The following DAB1 variants were observed in gnomAD, a reference collection of about 807,000 sequenced individuals.
DAB1 encodes the protein disabled homolog 1.
In DAB1, 15 loss-of-function variants were observed where a neutral mutation model predicts 64.6. The ratio of observed to expected loss-of-function variants is 0.23; its 90% confidence interval spans 0.16 to 0.36. The LOEUF (loss-of-function observed/expected upper bound fraction) is 0.36. DAB1 is among the 10% of genes least tolerant of loss of function. The pLI is 1.00. For synonymous variants in DAB1, 235 were observed against 251.9 expected (o/e 0.93, Z 0.64); for missense variants, 596 against 706.7 (o/e 0.84, Z 1.78).
chr1:57,052,776 A>T (rs186333723), intron 9 of DAB1, among the ~76,000 whole-genome samples: 2 of 152,324 alleles, frequency 1.3e-5, no homozygotes, highest in East Asian at 3.9e-4. Flanking sequence ...TACCTTATAG[A>T]ACCATTGATC....
intron 7 of DAB1, among the ~76,000 whole-genome samples, chr1:57,586,683 C>A (rs999515230): frequency 2.0e-5 from 3 of 152,036 alleles, no homozygotes; most frequent in Non-Finnish European, 2.9e-5. Context: ...GAGTTTGAAA[C>A]TGAATCATTC....
intron 6 of DAB1, among the ~76,000 whole-genome samples, chr1:57,650,299 C>T (rs553839273): frequency 3.5e-4 from 48 of 136,828 alleles, no homozygotes; most frequent in African/African-American, 1.0e-3. Context: ...TGTGCCACCA[C>T]GCCTGGCTAA....
chr1:57,775,009 C>T (rs1649727597), intron 6 of DAB1, among the ~76,000 whole-genome samples: 1 of 151,556 alleles, frequency 6.6e-6, no homozygotes, highest in Admixed American at 6.6e-5. Context: ...TTTTGCATTG[C>T]AAGACATTTT....
intron 5 of DAB1, among the ~76,000 whole-genome samples, chr1:57,939,952 T>G (rs568106938): frequency 6.6e-6 from 1 of 152,308 alleles, no homozygotes; most frequent in East Asian, 1.9e-4. Context: ...TCCCAAAAAA[T>G]TTTAATTTTG....
At chr1:57,128,024 G>A (rs1002235196) in intron 4 of DAB1, among the ~76,000 whole-genome samples, 17 of 152,024 alleles carry the variant, frequency 1.1e-4, no homozygotes, top group South Asian at 4.2e-4. Flanking sequence ...GGATGCGCCC[G>A]TAATCCCAGC....
intron 4 of DAB1, among the ~76,000 whole-genome samples, chr1:58,172,182 C>T (rs1475467157): frequency 2.6e-5 from 4 of 152,188 alleles, no homozygotes; most frequent in Non-Finnish European, 5.9e-5. Flanking sequence ...GTACAACCTC[C>T]AGCTTTAAGC....
chr1:58,165,843 T>C (rs1178324989), intron 4 of DAB1, among the ~76,000 whole-genome samples: 6 of 152,228 alleles, frequency 3.9e-5, no homozygotes, highest in African/African-American at 1.4e-4. Flanking sequence ...ACTATGTTGC[T>C]GTCATTGATT....
At chr1:57,899,647 C>A (rs1644443809) in intron 5 of DAB1, among the ~76,000 whole-genome samples, 1 of 151,908 alleles carries the variant, frequency 6.6e-6, no homozygotes, top group African/African-American at 2.4e-5. Flanking sequence ...CTCCATCAAA[C>A]AACAAGGATT....
chr1:57,850,497 T>C, intron 1 of DAB1, among the ~76,000 whole-genome samples: 1 of 151,716 alleles, frequency 6.6e-6, no homozygotes, highest in Middle Eastern at 3.4e-3. Context: ...ATTTATTATA[T>C]AACTTGATAG....
intron 6 of DAB1, among the ~76,000 whole-genome samples, chr1:57,668,637 A>G (rs974677741): frequency 2.6e-5 from 4 of 152,230 alleles, no homozygotes; most frequent in Non-Finnish European, 5.9e-5. Context: ...ACTGACCCCA[A>G]AGCCTGTTCT....
At chr1:57,495,697 G>A (rs926898486) in intron 7 of DAB1, among the ~76,000 whole-genome samples, 2 of 152,202 alleles carry the variant, frequency 1.3e-5, no homozygotes, top group African/African-American at 2.4e-5. Context: ...TAGGGTTCAA[G>A]GAGAGGGAGA....
At chr1:57,419,859 C>T (rs895118407) in intron 1 of DAB1, among the ~76,000 whole-genome samples, 13 of 152,250 alleles carry the variant, frequency 8.5e-5, no homozygotes, top group South Asian at 2.1e-4. Context: ...AGTCCAGAAA[C>T]GAAGTCCAGA....
At chr1:58,526,210 T>C (rs374707013) in intron 2 of DAB1, among the ~76,000 whole-genome samples, 5 of 152,102 alleles carry the variant, frequency 3.3e-5, no homozygotes, top group East Asian at 3.8e-4. Context: ...CCCCCTTATG[T>C]GGGAACTTCT....
intron 6 of DAB1, among the ~76,000 whole-genome samples, chr1:57,786,739 A>C (rs544978865): frequency 7.2e-4 from 110 of 152,250 alleles, no homozygotes; most frequent in African/African-American, 2.5e-3. Context: ...CTAACTCTAG[A>C]ATATAGGCTC....
chr1:57,438,526 C>T (rs1230076678), intron 7 of DAB1, among the ~76,000 whole-genome samples: 1 of 152,044 alleles, frequency 6.6e-6, no homozygotes. Flanking sequence ...TGACTTATTC[C>T]TCTCAATAAC....
intron 5 of DAB1, among the ~76,000 whole-genome samples, chr1:58,090,133 G>C (rs7554945): frequency 1.3e-5 from 2 of 152,162 alleles, no homozygotes; most frequent in African/African-American, 4.8e-5. Flanking sequence ...AGAGCCAGAG[G>C]GGAGGAGAGG....
At chr1:57,095,667 G>A (rs775138960) in intron 4 of DAB1, among the ~76,000 whole-genome samples, 8 of 152,140 alleles carry the variant, frequency 5.3e-5, no homozygotes, top group Non-Finnish European at 1.0e-4. Flanking sequence ...GTGGTGGGTG[G>A]GAACCAGCTT....
chr1:57,176,865 G>A (rs1350934709), intron 2 of DAB1, among the ~76,000 whole-genome samples: 2 of 150,010 alleles, frequency 1.3e-5, no homozygotes, highest in African/African-American at 4.9e-5. Flanking sequence ...TATGAACTTT[G>A]TCCATGGAGA....
chr1:57,864,357 A>C (rs2101946831), intron 1 of DAB1: 1 of 152,350 alleles, frequency 6.6e-6, no homozygotes, highest in African/African-American at 2.4e-5. Context: ...CATGATCTTG[A>C]CTATGAGCTT....
Sources: allele counts gnomAD v4.1 joint callset (sites outside exome capture counted in the v4.1 genomes callset), GRCh38; gene constraint gnomAD v4.1.1; transcripts MANE v1.5; gene names NCBI Gene and HGNC (gene_info 2026-07-23, HGNC 2026-07-21).